Variants in VILL observed in about 807,000 individuals in gnomAD.
The protein encoded by VILL is villin like.
VILL carries 102 observed loss-of-function variants against 106.3 expected under a neutral mutation model. That is an observed-to-expected ratio of 0.96 (90% confidence interval 0.82 to 1.13). The LOEUF is 1.13. Among genes scored for constraint, VILL ranks in the 50% most tolerant of loss-of-function variants. The pLI is 0.00. For missense variants in VILL, 1,076 were observed against 1,116.6 expected (o/e 0.96, Z 0.52); for synonymous variants, 431 against 440.3 (o/e 0.98, Z 0.27).
intron 19 of VILL, 41 bp downstream of exon 19, chr3:38,006,741 A>G (rs1699936688): frequency 6.4e-7 from 1 of 1,569,256 alleles, no homozygotes; most frequent in Non-Finnish European, 8.7e-7. Flanking sequence ...TGCATCTGAC[A>G]CTGAGCTGGA....
intron 19 of VILL, 33 bp downstream of exon 19, chr3:38,006,733 C>T: frequency 6.3e-7 from 1 of 1,575,220 alleles, no homozygotes; most frequent in East Asian, 2.3e-5. Flanking sequence ...AGCACTAGTG[C>T]ATCTGACACT....
In VILL at chr3:37,998,304, T is replaced by A; in HGVS notation, c.882T>A (p.Tyr294Ter). The A allele has an allele frequency of 1.9e-6, 3 of 1,614,084 alleles. No homozygotes were observed. Among genetic ancestry groups the A allele is most frequent in the Non-Finnish European group, 2.5e-6 (3 of 1,179,974 alleles). Residue 294 changes from tyrosine to a stop codon, truncating the protein, a stop_gained, in exon 9 of 20, where the codon TAT becomes TAA. Transcript: ENST00000383759. LOFTEE classifies it high-confidence loss of function. This position sits in a 1 kb window ranked among gnomAD's most constrained non-coding sequence, Gnocchi z 4.1. ...YILDQGGFKI[Y>*]VWQGRMSSLQ... ...TGGACCAGGGTGGCTTCAAGATCTA[T>A]GTGTGGCAGGGACGCATGTCTAGCC...
rs1377107675 is a variant in VILL, at chr3:38,006,606, C to G, written c.2363C>G (p.Thr788Ser). The change falls in exon 19 of 20, where the codon ACC (threonine) becomes AGC (serine). Residue 788 changes from threonine to serine, a missense_variant. Transcript: ENST00000383759. The stretch of plus-strand genomic sequence containing the variant: ...AGAACCAGCAGCTCCGTCAGCAGCA[C>G]CAGCGCCACGATCAACGGGGGCCTG... ...GSRTSSSVSSTSATINGGLRR... is the reference protein window; with the variant it reads ...GSRTSSSVSSSSATINGGLRR... The G allele has an allele frequency of 3.7e-6, 6 of 1,613,994 alleles. No homozygotes were observed. Among genetic ancestry groups the G allele is most frequent in the African/African-American group, 1.3e-5 (1 of 74,956 alleles).
Position 38,004,333 on chromosome 3 carries a change from A to G in VILL, c.1884A>G (p.Glu628=). 6.2e-7 allele frequency: 1 copy of G among 1,613,784 alleles called. No homozygotes were observed. The change falls in exon 16 of 20, where the codon GAA becomes GAG. Residue 628 remains glutamate (E), a synonymous_variant. Coordinates refer to ENST00000383759, the MANE Select transcript of VILL (RefSeq NM_015873.4). The part of the protein sequence containing the change: ...SSHMGCLVLA[E]VGFFSQEDLD... Reference sequence around the variant, plus strand: ...ACATGGGCTGCCTGGTCCTCGCAGAAGTGGGGTTCTTCAGCCAGGAGGACC... The same window carrying G: ...ACATGGGCTGCCTGGTCCTCGCAGAGGTGGGGTTCTTCAGCCAGGAGGACC...
chr3:37,997,251 C>A lies in VILL; in HGVS notation c.561+64C>A. 6.5e-7 allele frequency: 1 copy of A among 1,529,624 alleles called. No homozygotes were observed. Among genetic ancestry groups the A allele is most frequent in the Non-Finnish European group, 9.0e-7 (1 of 1,107,162 alleles). The allele number at this position is 1,529,624 out of a possible 1,614,324, so 94.8% of individuals were successfully genotyped here. On this transcript the variant is annotated intron_variant, in intron 6 of 19. Transcript: ENST00000383759. The surrounding 1 kb of genome is among the most constrained non-coding windows in gnomAD (Gnocchi z 4.7). The stretch of plus-strand genomic sequence containing the variant: ...GGGCGGGGAATGATCCTCCAGTTGA[C>A]CATCCTCCGGCCACCCAAAGAGTTG...
chr3:37,998,071 T>C lies in VILL; in HGVS notation c.765-19T>C, dbSNP rs1699738359. ...AGGGAGGGGCTGGGCTGGCCACTCC[T>C]GGGTTCCTGTCCCCCCAGTGTCTAT... On this transcript the variant is annotated intron_variant, in intron 7 of 19. Coordinates refer to ENST00000383759, the MANE Select transcript of VILL (RefSeq NM_015873.4). The surrounding 1 kb of genome is among the most constrained non-coding windows in gnomAD (Gnocchi z 4.1). 1 of 1,592,364 alleles carries C rather than the reference T, an allele frequency of 6.3e-7. No individual in the cohort carries two copies. Among genetic ancestry groups the C allele is most frequent in the Non-Finnish European group, 8.6e-7 (1 of 1,168,848 alleles).
In VILL at chr3:37,994,477, G is replaced by C. The variant is rs781349486; in HGVS notation, c.341+11G>C. 1.9e-6 allele frequency: 3 copies of C among 1,610,642 alleles called. No individual in the cohort carries two copies. The highest frequency in any genetic ancestry group is 2.5e-6 in the Non-Finnish European group (3 of 1,179,232). ...CCGCCCGGGAATCATGTGAGTGCGG[G>C]GGCGACCGGGGCAGGAGGGAGCCGT... is the stretch of plus-strand genomic sequence containing the variant. On this transcript the variant is annotated intron_variant, in intron 4 of 19. Coordinates refer to ENST00000383759, the MANE Select transcript of VILL (RefSeq NM_015873.4).
chr3:38,006,427 C>T (rs1225821353), intron 18 of VILL, 22 bp from the exon 19 acceptor site: 3 of 1,583,940 alleles, frequency 1.9e-6, no homozygotes, highest in East Asian at 2.3e-5. Context: ...TCTTCCCCAG[C>T]CTGAGGCTCC....
At chr3:38,003,711 G>A (rs13092789) in intron 15 of VILL, 9,127 of 223,130 alleles carry the variant, frequency 0.041, 248 homozygotes, top group Non-Finnish European at 0.058. Context: ...GTGTATTCAG[G>A]GTGTTGTGTG....
At chr3:37,993,550 A>G in intron 1 of VILL, 37 bp from the exon 2 acceptor site, 1 of 819,636 alleles carries the variant, frequency 1.2e-6, no homozygotes, top group South Asian at 1.7e-5. Flanking sequence ...GTGTGTTTAC[A>G]GAGCCCTCCT....
Position 37,999,052 on chromosome 3 carries a change from T to TGAGCGGGCGGGGC in VILL, c.1081+4_1081+16dup, listed in dbSNP as rs768924719. 2.7e-5 allele frequency: 30 copies of TGAGCGGGCGGGGC among 1,129,362 alleles called. 1 individual carries two copies. The highest frequency in any genetic ancestry group is 1.5e-4 in the South Asian group (9 of 59,884). The allele number at this position is 1,129,362 out of a possible 1,614,324, so 70.0% of individuals were successfully genotyped here. On this transcript the variant is annotated splice_region_variant and intron_variant, in intron 10 of 19. Coordinates refer to ENST00000383759, the MANE Select transcript of VILL (RefSeq NM_015873.4). Reference sequence around the variant, plus strand: ...GGAACCAGAAGCTCGGCGGGAGGGGTGAGCGGGCGGGGCGGGGCTGACGGG... The same window carrying TGAGCGGGCGGGGC: ...GGAACCAGAAGCTCGGCGGGAGGGGTGAGCGGGCGGGGCGAGCGGGCGGGGCGGGGCTGACGGG...
Position 37,997,278 on chromosome 3 carries a change from G to A in VILL, c.561+91G>A, listed in dbSNP as rs1333263134. On this transcript the variant is annotated intron_variant, in intron 6 of 19. Coordinates refer to ENST00000383759, the MANE Select transcript of VILL (RefSeq NM_015873.4). The surrounding 1 kb of genome is among the most constrained non-coding windows in gnomAD (Gnocchi z 4.7). ...ATCCTCCGGCCACCCAAAGAGTTGGGCTTGGCTCTGCTACAACCCAAGAAA... is the reference window on the plus strand; with the variant it reads ...ATCCTCCGGCCACCCAAAGAGTTGGACTTGGCTCTGCTACAACCCAAGAAA... 7 of 1,372,656 alleles carry A rather than the reference G, an allele frequency of 5.1e-6. No individual in the cohort carries two copies. Among genetic ancestry groups the A allele is most frequent in the African/African-American group, 2.9e-5 (2 of 70,034 alleles). 85.0% of individuals were successfully genotyped at this position (1,372,656 alleles called of 1,614,324 possible).
intron 15 of VILL, 72 bp downstream of exon 15, chr3:38,003,385 G>C: frequency 6.7e-7 from 1 of 1,483,460 alleles, no homozygotes; most frequent in East Asian, 2.4e-5. Context: ...GTGGGTGACT[G>C]GGATTCACAC....
In VILL at chr3:37,998,763, G is replaced by A. The variant is rs748488896; in HGVS notation, c.943-149G>A. On this transcript the variant is annotated intron_variant, in intron 9 of 19. Coordinates refer to ENST00000383759, the MANE Select transcript of VILL (RefSeq NM_015873.4). This position sits in a 1 kb window ranked among gnomAD's most constrained non-coding sequence, Gnocchi z 4.1. Reference sequence around the variant, plus strand: ...CCTCAGGGACCTCAGAGAAGTCGGTGGTGACAGAGTCAATTCGCTAAGTGG... The same window carrying A: ...CCTCAGGGACCTCAGAGAAGTCGGTAGTGACAGAGTCAATTCGCTAAGTGG... 7.3e-7 allele frequency: 1 copy of A among 1,365,216 alleles called. No individual in the cohort carries two copies. The highest frequency in any genetic ancestry group is 9.6e-7 in the Non-Finnish European group (1 of 1,037,620). The allele number at this position is 1,365,216 out of a possible 1,614,324, so 84.6% of individuals were successfully genotyped here. A position where few individuals can be genotyped will look rare whatever the true frequency, so the allele number is the denominator to read the frequency against.
At position 38,002,842 on chromosome 3, in the gene VILL, G is replaced by T. The variant is rs377291191; in HGVS notation, c.1659+267G>T. On this transcript the variant is annotated intron_variant, in intron 14 of 19. Transcript: ENST00000383759. ...GGAGCACAGGGCATGTCCCTTCCCAGGTCTCTTGGGAAAAGGGGAGGCCTA... is the reference window on the plus strand; with the variant it reads ...GGAGCACAGGGCATGTCCCTTCCCATGTCTCTTGGGAAAAGGGGAGGCCTA... The T allele has an allele frequency of 1.1e-3, 597 of 537,746 alleles. 4 individuals carry two copies. Among genetic ancestry groups the T allele is most frequent in the African/African-American group, 0.011 (563 of 52,472 alleles). 33.3% of individuals were successfully genotyped at this position (537,746 alleles called of 1,614,324 possible).
At position 38,001,598 on chromosome 3, in the gene VILL, G is replaced by A; in HGVS notation, c.1320+5G>A. The A allele has an allele frequency of 2.5e-6, 4 of 1,613,958 alleles. No homozygotes were observed. Among genetic ancestry groups the A allele is most frequent in the Non-Finnish European group, 3.4e-6 (4 of 1,179,928 alleles). On this transcript the variant is annotated splice_donor_5th_base_variant and intron_variant, in intron 12 of 19. Transcript: ENST00000383759. ...TACATCCTGTACCTATGGCAGGTGT[G>A]CCAGCCTGAGGGAGGCAGCACTCAC...
chr3:37,999,651 A>G (rs1699779092), intron 11 of VILL, among the ~76,000 whole-genome samples: 2 of 152,182 alleles, frequency 1.3e-5, no homozygotes, highest in African/African-American at 4.8e-5. Context: ...CACTCACACA[A>G]CACAGACACA....
In VILL at chr3:38,001,906, A is replaced by G. The variant is rs897381940; in HGVS notation, c.1479+46A>G. The G allele has an allele frequency of 8.1e-6, 13 of 1,612,774 alleles. No homozygotes were observed. In the Admixed American group the frequency reaches 1.0e-4, roughly 12 times the overall value. ...CTGGCCACAGCCTGCCCAGTTCTGC[A>G]TGGGCCATGGCCCCCGCACACACTT... is the stretch of plus-strand genomic sequence containing the variant. On this transcript the variant is annotated intron_variant, in intron 13 of 19. Transcript: ENST00000383759.
At position 37,994,425 on chromosome 3, in the gene VILL, CGAGTCCGACT is replaced by C; in HGVS notation, c.302_311del (p.Glu101AlafsTer17). On this transcript the variant is annotated frameshift_variant, in exon 4 of 20. Transcript: ENST00000383759. LOFTEE classifies it high-confidence loss of function. ...TGCTGCACCGCGAGGCGCAGGGCCA[CGAGTCCGACT>C]GCTTCTGCAGCTACTTCCGCCCGGG... The C allele has an allele frequency of 6.2e-7, 1 of 1,612,736 alleles. No individual in the cohort carries two copies. The highest frequency in any genetic ancestry group is 2.2e-5 in the East Asian group (1 of 44,874).
Sources: allele counts gnomAD v4.1 joint callset (sites outside exome capture counted in the v4.1 genomes callset), GRCh38; gene constraint gnomAD v4.1.1; non-coding constraint Gnocchi (gnomAD v3.1); transcripts MANE v1.5; gene names NCBI Gene and HGNC (gene_info 2026-07-23, HGNC 2026-07-21).